Variants in NUP160 observed in about 807,000 individuals in gnomAD.
NUP160 encodes the protein nuclear pore complex protein Nup160.
Under a neutral mutation model 196.9 loss-of-function variants are expected in NUP160, and 94 were observed. The observed-to-expected ratio is 0.48, with a 90% CI of 0.40 to 0.57. NUP160 has a LOEUF of 0.57. Ranked by LOEUF, NUP160 falls within the 20% of genes least tolerant of loss-of-function variation. NUP160 has a pLI of 0.00. For missense variants in NUP160, 1,638 were observed against 1,748.3 expected (o/e 0.94, Z 1.13); for synonymous variants, 605 against 619.7 (o/e 0.98, Z 0.35).
intron 29 of NUP160, 70 bp from the exon 30 acceptor site, chr11:47,788,681 G>C (rs1218178787): frequency 1.1e-6 from 1 of 923,698 alleles, no homozygotes; most frequent in Non-Finnish European, 1.7e-6. Context: ...AACGCAACCT[G>C]TCAATTTCCA....
intron 11 of NUP160, among the ~76,000 whole-genome samples, 184 bp from the exon 12 acceptor site, chr11:47,816,213 A>C (rs760896598): frequency 2.6e-4 from 40 of 152,226 alleles, no homozygotes; most frequent in Admixed American, 7.9e-4. Flanking sequence ...GGTGACCTGG[A>C]AAGATTCTTA....
rs1215524318 is a variant in NUP160 at position 47,807,672 on chromosome 11, A to G, written c.2376-532T>C. ...ACAAGAGCGAAACTCCATCTCCAAG[A>G]AAAAAAAAAAAGTGAATCTTGTAAT... On this transcript the variant is annotated intron_variant, in intron 18 of 35. Coordinates refer to ENST00000378460, the Ensembl canonical transcript of NUP160. Among the ~76,000 whole-genome samples, 5 of 145,160 alleles carry G rather than the reference A, an allele frequency of 3.4e-5. 1 individual carries two copies. In the East Asian group the frequency reaches 9.9e-4, roughly 29 times the overall value.
intron 17 of NUP160, among the ~76,000 whole-genome samples, chr11:47,808,990 A>G (rs2097679393): frequency 1.3e-5 from 2 of 152,012 alleles, no homozygotes; most frequent in South Asian, 4.2e-4. Context: ...ATTCCCAACT[A>G]TTTGGGAGGC....
chr11:47,830,305 T>C (rs546027934), intron 7 of NUP160, among the ~76,000 whole-genome samples: 1 of 152,314 alleles, frequency 6.6e-6, no homozygotes, highest in South Asian at 2.1e-4. Context: ...AGTGTGGTGA[T>C]TCCTCTAAGA....
At chr11:47,798,295 G>A in intron 24 of NUP160, 33 bp from the exon 25 acceptor site, 2 of 1,556,814 alleles carry the variant, frequency 1.3e-6, no homozygotes, top group Non-Finnish European at 1.8e-6. Flanking sequence ...ATATCAAAAA[G>A]AGCAATAGAA....
chr11:47,837,518 T>G, intron 5 of NUP160, 27 bp downstream of exon 5: 2 of 1,597,812 alleles, frequency 1.3e-6, no homozygotes, highest in African/African-American at 1.3e-5. Context: ...CTTGGGCCCT[T>G]TGATTTACCT....
rs1852401900 is a variant in NUP160, at chr11:47,846,261, G to A, written c.314+1587C>T. On this transcript the variant is annotated intron_variant, in intron 2 of 35. Coordinates refer to ENST00000378460, the Ensembl canonical transcript of NUP160. Reference sequence around the variant, plus strand: ...CAAAGTGCTGGGATTACAGGTGTGAGCCACTGTGCCCAGCCAAAATATTTA... The same window carrying A: ...CAAAGTGCTGGGATTACAGGTGTGAACCACTGTGCCCAGCCAAAATATTTA... Among the ~76,000 whole-genome samples the A allele has an allele frequency of 2.0e-5, 3 of 152,102 alleles. No individual in the cohort carries two copies. The South Asian group carries it at 6.2e-4, about 32-fold the overall frequency.
intron 2 of NUP160, among the ~76,000 whole-genome samples, chr11:47,844,681 C>T (rs933797108): frequency 3.3e-5 from 5 of 152,164 alleles, no homozygotes; most frequent in East Asian, 1.9e-4. Context: ...ATGCTGTTCC[C>T]TTTTTCCTAT....
chr11:47,822,048 C>G, intron 8 of NUP160, 39 bp downstream of exon 8: 1 of 1,341,140 alleles, frequency 7.5e-7, no homozygotes, highest in Non-Finnish European at 1.1e-6. Context: ...ACTTCTTTTT[C>G]TTGTACTTAT....
At chr11:47,811,435 G>C (rs1255969320) in intron 17 of NUP160, among the ~76,000 whole-genome samples, 2 of 149,434 alleles carry the variant, frequency 1.3e-5, no homozygotes, top group African/African-American at 4.9e-5. Context: ...CTTGAGCTGA[G>C]ATAAGGCCAC....
intron 7 of NUP160, among the ~76,000 whole-genome samples, chr11:47,826,254 T>C (rs1180354150): frequency 6.6e-6 from 1 of 152,138 alleles, no homozygotes; most frequent in Admixed American, 6.5e-5. Context: ...ACTATACATA[T>C]GCACCATCAG....
exon 1 of NUP160, chr11:47,848,305 C>CCCG: frequency 6.2e-7 from 1 of 1,613,954 alleles, no homozygotes; most frequent in Non-Finnish European, 8.5e-7. Flanking sequence ...TTCCAGGGCT[C>CCCG]CCGCCGCCGC....
intron 7 of NUP160, among the ~76,000 whole-genome samples, chr11:47,834,348 C>T (rs941471544): frequency 6.6e-6 from 1 of 152,044 alleles, no homozygotes; most frequent in African/African-American, 2.4e-5. Context: ...AATTCTCCTA[C>T]CACCCACAAC....
intron 2 of NUP160, among the ~76,000 whole-genome samples, chr11:47,843,819 G>A (rs760822516): frequency 6.6e-6 from 1 of 152,068 alleles, no homozygotes; most frequent in Admixed American, 6.5e-5. Flanking sequence ...CTTTAAGCAC[G>A]ATCTAATGCC....
At chr11:47,815,916 A>C in intron 12 of NUP160, 30 bp downstream of exon 12, 1 of 1,528,238 alleles carries the variant, frequency 6.5e-7, no homozygotes, top group Non-Finnish European at 9.1e-7. Context: ...GATGGAAGGA[A>C]TTCTTATTCT....
chr11:47,821,771 C>CCA lies in NUP160; in HGVS notation c.1228_1229dup (p.Trp410CysfsTer10), dbSNP rs1851862401. ...CTACTGTTTGGTTCTCAGCATCATG[C>CCA]CACAGGGCCCAGATATCCGTGGAAG... On this transcript the variant is annotated frameshift_variant, in exon 9 of 36. Coordinates refer to ENST00000378460, the Ensembl canonical transcript of NUP160. LOFTEE classifies it high-confidence loss of function. 6.2e-7 allele frequency: 1 copy of CCA among 1,613,964 alleles called. No homozygotes were observed. The highest frequency in any genetic ancestry group is 1.7e-5 in the Admixed American group (1 of 59,990).
At chr11:47,834,182 T>C (rs1211301834) in intron 7 of NUP160, among the ~76,000 whole-genome samples, 4 of 152,180 alleles carry the variant, frequency 2.6e-5, no homozygotes, top group Non-Finnish European at 5.9e-5. Context: ...AAAAGCTCTT[T>C]GCAGTTCTCG....
intron 33 of NUP160, among the ~76,000 whole-genome samples, chr11:47,784,207 C>T (rs2097663211): frequency 1.3e-5 from 2 of 152,124 alleles, no homozygotes; most frequent in Admixed American, 1.3e-4. Flanking sequence ...TGGCTCCTAG[C>T]CTGAGATAAT....
intron 35 of NUP160, 70 bp downstream of exon 35, chr11:47,780,273 G>C: frequency 2.8e-6 from 3 of 1,090,746 alleles, no homozygotes; most frequent in Middle Eastern, 2.2e-4. Context: ...GAGAACTGAA[G>C]ATCAAGCTGT....
Sources: gnomAD v4.1 joint callset for allele counts (sites outside exome capture counted in the v4.1 genomes callset) on GRCh38, gnomAD v4.1.1 for gene constraint, MANE v1.5 for transcripts, NCBI Gene and HGNC (gene_info 2026-07-23, HGNC 2026-07-21) for gene names.